CALCR: variants seen among roughly 807,000 people sequenced by gnomAD.
CALCR encodes the protein calcitonin receptor.
Under a neutral mutation model 59.5 loss-of-function variants are expected in CALCR, and 47 were observed. The observed-to-expected ratio is 0.79, with a 90% CI of 0.63 to 1.01. The LOEUF is 1.01. Among genes scored for constraint, CALCR ranks in the 50% least tolerant of loss-of-function variants. CALCR has a pLI of 0.00. For missense variants in CALCR, 566 were observed against 597.1 expected (o/e 0.95, Z 0.54); for synonymous variants, 213 against 211.3 (o/e 1.01, Z -0.07).
At position 93,436,176 on chromosome 7, in the gene CALCR, A is replaced by G; in HGVS notation, c.931-6T>C. The G allele has an allele frequency of 1.2e-6, 2 of 1,610,338 alleles. No homozygotes were observed. The highest frequency in any genetic ancestry group is 1.7e-6 in the Non-Finnish European group (2 of 1,176,550). ...AGCAAAAAGAAGAAATTGACCTGCA[A>G]ATATACGGTGTTATGAGCAAATCAT... On this transcript the variant is annotated splice_region_variant and splice_polypyrimidine_tract_variant and intron_variant, in intron 11 of 13. Transcript: ENST00000426151.
intron 2 of CALCR, among the ~76,000 whole-genome samples, chr7:93,563,585 T>C (rs1390049415): frequency 2.0e-5 from 3 of 152,188 alleles, no homozygotes; most frequent in African/African-American, 7.2e-5. Context: ...ACTATAAGCC[T>C]GAGTACATCC....
At position 93,534,269 on chromosome 7, in the gene CALCR, C is replaced by T. The variant is rs554276629; in HGVS notation, c.-27+40020G>A. Among the ~76,000 whole-genome samples the T allele has an allele frequency of 4.0e-5, 6 of 151,834 alleles. No individual in the cohort carries two copies. In the South Asian group the frequency reaches 1.2e-3, roughly 32 times the overall value. Reference sequence around the variant, plus strand: ...TAATACAAGATATGTATTATTATCTCCAGTTTAAAAAGTAGAAAGTAAAGC... The same window carrying T: ...TAATACAAGATATGTATTATTATCTTCAGTTTAAAAAGTAGAAAGTAAAGC... On this transcript the variant is annotated intron_variant, in intron 2 of 13. Transcript: ENST00000426151.
intron 13 of CALCR, among the ~76,000 whole-genome samples, chr7:93,429,332 A>G (rs1054978174): frequency 6.6e-6 from 1 of 152,230 alleles, no homozygotes; most frequent in Non-Finnish European, 1.5e-5. Context: ...CAAAACAGGG[A>G]GAGTTTTGTT....
rs114455214 is a variant in CALCR, at chr7:93,540,114, G to A, written c.-27+34175C>T. On this transcript the variant is annotated intron_variant, in intron 2 of 13. Transcript: ENST00000426151. ...CTTCCAACAGAACACTTGTTGCCCC[G>A]ATGACTGCGAATTAATTTTTATGTG... Among the ~76,000 whole-genome samples, 1,195 of 152,272 alleles carry A rather than the reference G, an allele frequency of 7.8e-3. 20 individuals carry two copies. The highest frequency in any genetic ancestry group is 0.027 in the African/African-American group (1,138 of 41,548).
At chr7:93,432,267 C>A (rs533473160) in intron 13 of CALCR, among the ~76,000 whole-genome samples, 1 of 152,114 alleles carries the variant, frequency 6.6e-6, no homozygotes, top group Non-Finnish European at 1.5e-5. Flanking sequence ...GTTGAGTTAG[C>A]CCCCTAGATT....
chr7:93,544,257 T>C (rs1789224740), intron 2 of CALCR, among the ~76,000 whole-genome samples: 1 of 151,766 alleles, frequency 6.6e-6, no homozygotes. Flanking sequence ...GGAAGAAGGG[T>C]TAAAAAATTA....
intron 2 of CALCR, among the ~76,000 whole-genome samples, chr7:93,563,545 T>A (rs1563022252): frequency 6.6e-6 from 1 of 152,202 alleles, no homozygotes; most frequent in Non-Finnish European, 1.5e-5. Context: ...ACAATTTCCC[T>A]TTTGTGTAAA....
intron 2 of CALCR, among the ~76,000 whole-genome samples, chr7:93,493,224 A>G (rs1727170761): frequency 6.6e-6 from 1 of 151,408 alleles, no homozygotes; most frequent in South Asian, 2.1e-4. Flanking sequence ...TTGTGATCTA[A>G]TGAGTTAAAT....
At chr7:93,488,553 T>C (rs1414025701) in intron 2 of CALCR, among the ~76,000 whole-genome samples, 1 of 81,444 alleles carries the variant, frequency 1.2e-5, no homozygotes, top group African/African-American at 5.5e-5. Context: ...AACAAAGGGA[T>C]GGAGGAAAAT....
At chr7:93,545,502 C>T (rs1475322471) in intron 2 of CALCR, among the ~76,000 whole-genome samples, 9 of 152,028 alleles carry the variant, frequency 5.9e-5, no homozygotes, top group Non-Finnish European at 1.3e-4. Flanking sequence ...AACAACCTTG[C>T]CTGCTGGACT....
At position 93,564,797 on chromosome 7, in the gene CALCR, G is replaced by A. The variant is rs1789826240; in HGVS notation, c.-27+9492C>T. 1.3e-5 allele frequency among the ~76,000 whole-genome samples: 2 copies of A among 151,284 alleles called. 1 individual carries two copies. ...GAAGGTAGCCCGTGTTTACTTCACT[G>A]TCATACTTTGCAGAAAGCAGGCGTT... On this transcript the variant is annotated intron_variant, in intron 2 of 13. Transcript: ENST00000426151.
chr7:93,520,794 A>AT (rs1171635730), intron 2 of CALCR, among the ~76,000 whole-genome samples: 4 of 152,042 alleles, frequency 2.6e-5, no homozygotes, highest in Non-Finnish European at 1.5e-5. Flanking sequence ...AGTGGGGCCA[A>AT]TTTTTTTATG....
At chr7:93,482,812 T>C (rs1800828223) in intron 3 of CALCR, 2 of 533,636 alleles carry the variant, frequency 3.7e-6, no homozygotes, top group Admixed American at 3.9e-5. Flanking sequence ...TGAACTTGTT[T>C]GAAGCTGGTT....
chr7:93,505,051 G>A lies in CALCR; in HGVS notation c.-26-18044C>T, dbSNP rs143120979. Among the ~76,000 whole-genome samples the A allele has an allele frequency of 3.8e-3, 584 of 152,100 alleles. 3 individuals are homozygous for A. The highest frequency in any genetic ancestry group is 0.013 in the African/African-American group (537 of 41,456). ...CACCACCTATACTATTTAATAAAAAGAAGTGTCAAGGAAGGTACCGGTTCT... is the reference window on the plus strand; with the variant it reads ...CACCACCTATACTATTTAATAAAAAAAAGTGTCAAGGAAGGTACCGGTTCT... On this transcript the variant is annotated intron_variant, in intron 2 of 13. Coordinates refer to ENST00000426151, the MANE Select transcript of CALCR (RefSeq NM_001742.4).
chr7:93,568,438 T>C (rs772809296), intron 2 of CALCR, among the ~76,000 whole-genome samples: 2 of 151,934 alleles, frequency 1.3e-5, no homozygotes, highest in Non-Finnish European at 2.9e-5. Context: ...TCAATCCTTA[T>C]CCCACTTGAT....
In CALCR at chr7:93,491,790, T is replaced by C. The variant is rs144404243; in HGVS notation, c.-26-4783A>G. ...GGCTGTGGAGAATGAGGAATGCTTT[T>C]ATACTGTTGGTGGGAATGTAAATTA... is the stretch of plus-strand genomic sequence containing the variant. On this transcript the variant is annotated intron_variant, in intron 2 of 13. Coordinates refer to ENST00000426151, the MANE Select transcript of CALCR (RefSeq NM_001742.4). Among the ~76,000 whole-genome samples, 89 of 152,074 alleles carry C rather than the reference T, an allele frequency of 5.9e-4. No individual in the cohort carries two copies. In the East Asian group the frequency reaches 0.014, roughly 24 times the overall value.
intron 2 of CALCR, among the ~76,000 whole-genome samples, chr7:93,504,561 C>T (rs1335191236): frequency 3.3e-5 from 5 of 152,108 alleles, no homozygotes; most frequent in Non-Finnish European, 7.3e-5. Flanking sequence ...AAATAGTACT[C>T]GTAAATATGT....
chr7:93,496,671 C>T (rs1015702456), intron 2 of CALCR, among the ~76,000 whole-genome samples: 2 of 151,494 alleles, frequency 1.3e-5, no homozygotes, highest in African/African-American at 2.4e-5. Flanking sequence ...GCTATGAGAA[C>T]AAGGAGTAGG....
At chr7:93,564,372 G>A (rs1301314663) in intron 2 of CALCR, among the ~76,000 whole-genome samples, 2 of 151,938 alleles carry the variant, frequency 1.3e-5, no homozygotes, top group Non-Finnish European at 2.9e-5. Flanking sequence ...ACATGCTTAA[G>A]TTTAGTATAA....
Sources: allele counts gnomAD v4.1 joint callset (sites outside exome capture counted in the v4.1 genomes callset), GRCh38; gene constraint gnomAD v4.1.1; transcripts MANE v1.5; gene names NCBI Gene and HGNC (gene_info 2026-07-23, HGNC 2026-07-21).